OLA1: variants seen among roughly 807,000 people sequenced by gnomAD.
OLA1 encodes the protein Obg like ATPase 1.
A neutral mutation model predicts 48.4 loss-of-function variants in OLA1; 14 were observed. That is an observed-to-expected ratio of 0.29 (90% CI 0.19 to 0.45). The LOEUF (loss-of-function observed/expected upper bound fraction) is 0.45, where lower values mean the gene tolerates loss of function less well. Ranked by LOEUF, OLA1 falls within the 20% of genes least tolerant of loss-of-function variation. The pLI is 1.00. For synonymous variants in OLA1, 127 were observed against 150.4 expected (o/e 0.84, Z 1.14); for missense variants, 325 against 467.1 (o/e 0.70, Z 2.80).
At chr2:174,090,756 C>T (rs532762099) in intron 7 of OLA1, among the ~76,000 whole-genome samples, 2 of 152,262 alleles carry the variant, frequency 1.3e-5, no homozygotes, top group South Asian at 2.1e-4. Context: ...CAAACTACCT[C>T]GGGTCTTAGG....
chr2:174,201,393 A>G (rs185552651), intron 4 of OLA1, among the ~76,000 whole-genome samples: 38 of 152,320 alleles, frequency 2.5e-4, no homozygotes, highest in Admixed American at 2.2e-3. Flanking sequence ...GCTGGAGTGC[A>G]GTGGCACAAT....
At chr2:174,103,151 C>T (rs1685435006) in intron 7 of OLA1, among the ~76,000 whole-genome samples, 1 of 151,914 alleles carries the variant, frequency 6.6e-6, no homozygotes, top group Non-Finnish European at 1.5e-5. Context: ...TGAACTACTT[C>T]AGGAGATGAA....
intron 1 of OLA1, 28 bp from the exon 2 acceptor site, chr2:174,246,843 A>G: frequency 7.0e-7 from 1 of 1,436,846 alleles, no homozygotes. Context: ...ACATATGAAC[A>G]AAACTTTTTA....
chr2:174,110,272 G>A (rs1685616459), intron 7 of OLA1, among the ~76,000 whole-genome samples: 4 of 149,282 alleles, frequency 2.7e-5, no homozygotes, highest in African/African-American at 4.9e-5. Context: ...CCAAGTAGCT[G>A]GGATTACAGG....
intron 4 of OLA1, among the ~76,000 whole-genome samples, chr2:174,160,890 A>G (rs1275921278): frequency 2.6e-5 from 4 of 152,228 alleles, no homozygotes; most frequent in African/African-American, 9.6e-5. Context: ...GAAACCACCA[A>G]TGATTTGCAA....
chr2:174,088,601 C>A (rs1685034603), intron 7 of OLA1, among the ~76,000 whole-genome samples: 1 of 152,240 alleles, frequency 6.6e-6, no homozygotes, highest in Middle Eastern at 3.4e-3. Context: ...CTGCTTATAA[C>A]CATTTTCTGA....
chr2:174,204,688 TTAA>T (rs1234488824), intron 4 of OLA1, among the ~76,000 whole-genome samples: 5 of 152,208 alleles, frequency 3.3e-5, no homozygotes, highest in South Asian at 4.1e-4. Context: ...AAAGCTATTA[TTAA>T]TAATAAAGCT....
chr2:174,227,156 C>G (rs922335285), intron 3 of OLA1, among the ~76,000 whole-genome samples: 8 of 151,922 alleles, frequency 5.3e-5, no homozygotes, highest in African/African-American at 1.7e-4. Flanking sequence ...TGTAATCCCA[C>G]CATTTTGGGA....
chr2:174,097,220 C>T (rs959177995), intron 7 of OLA1, among the ~76,000 whole-genome samples: 2 of 151,960 alleles, frequency 1.3e-5, no homozygotes, highest in Admixed American at 6.6e-5. Flanking sequence ...TCTTGCCTAA[C>T]TGAATATTTA....
intron 4 of OLA1, among the ~76,000 whole-genome samples, chr2:174,150,373 C>G (rs726623): frequency 0.14 from 20,748 of 152,204 alleles, 2,705 homozygotes; most frequent in East Asian, 0.71. Flanking sequence ...CTGCAGCCCG[C>G]TGAGCTTGTA....
chr2:174,155,211 G>T (rs1686846058), intron 4 of OLA1, among the ~76,000 whole-genome samples: 1 of 152,048 alleles, frequency 6.6e-6, no homozygotes, highest in African/African-American at 2.4e-5. Flanking sequence ...GTTCCCACAA[G>T]GGCCCTGATC....
rs367980939 is a variant in OLA1 at position 174,175,849 on chromosome 2, G to T, written c.374-33849C>A. On this transcript the variant is annotated intron_variant, in intron 4 of 10. Transcript: ENST00000284719. ...GATAAGCAAAGTGATAATATTAAAG[G>T]CTACATAGTAATAAGAAAGTATTAA... Among the ~76,000 whole-genome samples the T allele has an allele frequency of 1.3e-4, 20 of 152,026 alleles. No homozygotes were observed. In the East Asian group the frequency reaches 3.9e-3, roughly 29 times the overall value.
chr2:174,141,651 C>T (rs1452571372), intron 5 of OLA1, among the ~76,000 whole-genome samples, 174 bp downstream of exon 5: 2 of 152,042 alleles, frequency 1.3e-5, no homozygotes, highest in African/African-American at 2.4e-5. Flanking sequence ...AGCCTATCAC[C>T]ATGGCCCTTG....
intron 7 of OLA1, among the ~76,000 whole-genome samples, chr2:174,120,899 GTATT>G (rs767246286): frequency 1.3e-5 from 2 of 152,072 alleles, no homozygotes; most frequent in Non-Finnish European, 2.9e-5. Context: ...ACCCATGAAA[GTATT>G]TATTACTGTT....
At chr2:174,195,760 A>G (rs1574543561) in intron 4 of OLA1, among the ~76,000 whole-genome samples, 1 of 152,182 alleles carries the variant, frequency 6.6e-6, no homozygotes, top group African/African-American at 2.4e-5. Context: ...TCCTTATACT[A>G]TACCTTTTAC....
At chr2:174,177,677 A>G (rs1034586076) in intron 4 of OLA1, among the ~76,000 whole-genome samples, 1 of 152,126 alleles carries the variant, frequency 6.6e-6, no homozygotes, top group African/African-American at 2.4e-5. Context: ...ATAGCAATGG[A>G]CTTTTGACAA....
chr2:174,220,394 A>G (rs190946256), intron 4 of OLA1, among the ~76,000 whole-genome samples: 1 of 152,282 alleles, frequency 6.6e-6, no homozygotes, highest in African/African-American at 2.4e-5. Context: ...TTTACCTCTC[A>G]GCATCACTGT....
At chr2:174,227,124 G>A (rs1187504332) in intron 3 of OLA1, among the ~76,000 whole-genome samples, 2 of 151,858 alleles carry the variant, frequency 1.3e-5, no homozygotes, top group South Asian at 4.2e-4. Flanking sequence ...GAAAAGAAAG[G>A]CCAGGCACAG....
intron 2 of OLA1, among the ~76,000 whole-genome samples, chr2:174,245,927 G>A (rs1019440119): frequency 2.0e-5 from 3 of 151,730 alleles, no homozygotes; most frequent in Non-Finnish European, 2.9e-5. Flanking sequence ...CTTAAGTTGC[G>A]TGTGTATAGA....
Sources: allele counts gnomAD v4.1 joint callset (sites outside exome capture counted in the v4.1 genomes callset), GRCh38; gene constraint gnomAD v4.1.1; transcripts MANE v1.5; gene names NCBI Gene and HGNC (gene_info 2026-07-23, HGNC 2026-07-21).